The following NTM variants were observed in gnomAD, a reference collection of about 807,000 sequenced individuals.
The protein encoded by NTM is neurotrimin, also known as IgLON family member 2.
Under a neutral mutation model 42.1 loss-of-function variants are expected in NTM, and 13 were observed. The observed-to-expected ratio is 0.31, with a 90% confidence interval of 0.20 to 0.49. NTM has a LOEUF of 0.49. NTM is among the 20% of genes least tolerant of loss of function. NTM has a pLI of 0.99. For missense variants in NTM, 373 were observed against 452.8 expected (o/e 0.82, Z 1.60); for synonymous variants, 187 against 179.2 (o/e 1.04, Z -0.35).
At chr11:132,299,246 G>A (rs2094744424) in intron 4 of NTM, among the ~76,000 whole-genome samples, 1 of 152,212 alleles carries the variant, frequency 6.6e-6, no homozygotes, top group African/African-American at 2.4e-5. Flanking sequence ...AGTGAGCTGA[G>A]ATTGCGCCAC....
At chr11:132,127,006 T>C (rs2137017275) in intron 2 of NTM, among the ~76,000 whole-genome samples, 1 of 152,306 alleles carries the variant, frequency 6.6e-6, no homozygotes, top group East Asian at 1.9e-4. Context: ...TCTTGAGAGT[T>C]CCAGAAACTA....
intron 4 of NTM, among the ~76,000 whole-genome samples, chr11:132,276,718 G>A (rs1488649569): frequency 6.6e-6 from 1 of 152,182 alleles, no homozygotes. Flanking sequence ...TTGTTGTGGG[G>A]GAAGAGTGTG....
intron 5 of NTM, 21 bp downstream of exon 5, chr11:132,307,844 G>A (rs368042844): frequency 2.7e-5 from 43 of 1,612,148 alleles, no homozygotes; most frequent in Non-Finnish European, 3.2e-5. Context: ...TCACCACCAC[G>A]CGCCCTGCAC....
chr11:131,578,961 G>T (rs965013372), intron 1 of NTM, among the ~76,000 whole-genome samples: 2 of 152,172 alleles, frequency 1.3e-5, no homozygotes, highest in Non-Finnish European at 2.9e-5. Flanking sequence ...AGAAAGCCAG[G>T]AATCAGAACT....
At chr11:131,997,843 A>G (rs1042659578) in intron 2 of NTM, among the ~76,000 whole-genome samples, 13 of 152,062 alleles carry the variant, frequency 8.5e-5, no homozygotes, top group African/African-American at 3.1e-4. Context: ...TTCAACTACC[A>G]TTGTGTGTGG....
At chr11:132,174,775 C>T (rs535793355) in intron 3 of NTM, among the ~76,000 whole-genome samples, 13 of 152,148 alleles carry the variant, frequency 8.5e-5, no homozygotes, top group African/African-American at 2.9e-4. Context: ...TGCATTTAAA[C>T]CACGATCGCC....
At position 131,703,477 on chromosome 11, in the gene NTM, T is replaced by G. The variant is rs533505559; in HGVS notation, c.83-208087T>G. Among the ~76,000 whole-genome samples, 3 of 152,362 alleles carry G rather than the reference T, an allele frequency of 2.0e-5. No homozygotes were observed. The South Asian group carries it at 6.2e-4, about 32-fold the overall frequency. On this transcript the variant is annotated intron_variant, in intron 1 of 8. Transcript: ENST00000683400. ...ACATAAATAATGGATGAAAGACTGA[T>G]GAATTTGGCTGCATTAAGATCAAAT...
At chr11:131,809,779 G>A (rs569776372) in intron 1 of NTM, among the ~76,000 whole-genome samples, 9 of 152,270 alleles carry the variant, frequency 5.9e-5, no homozygotes, top group Admixed American at 2.6e-4. Context: ...TGTCAAAGAC[G>A]TGGGCCAGGG....
intron 4 of NTM, among the ~76,000 whole-genome samples, chr11:132,286,374 A>C (rs73597270): frequency 0.013 from 1,935 of 152,228 alleles, 44 homozygotes; most frequent in African/African-American, 0.044. Flanking sequence ...TTCAAATGGG[A>C]TTGTGTTTCT....
intron 1 of NTM, among the ~76,000 whole-genome samples, chr11:131,731,871 T>A (rs1506670): frequency 0.16 from 24,705 of 152,130 alleles, 2,111 homozygotes; most frequent in Middle Eastern, 0.22. Flanking sequence ...ATTGTTGGCA[T>A]CTGTTCCATG....
intron 1 of NTM, among the ~76,000 whole-genome samples, chr11:131,816,247 C>T (rs888739306): frequency 6.6e-6 from 1 of 152,178 alleles, no homozygotes; most frequent in African/African-American, 2.4e-5. Flanking sequence ...GAAAGCATCT[C>T]AGATGCAACA....
At chr11:131,440,629 G>A (rs189677365) in intron 1 of NTM, among the ~76,000 whole-genome samples, 73 of 151,898 alleles carry the variant, frequency 4.8e-4, no homozygotes, top group Admixed American at 4.5e-3. Context: ...CCTGGGTGAT[G>A]ATGATTCTGT....
chr11:131,559,152 G>A (rs1298549700), intron 1 of NTM, among the ~76,000 whole-genome samples: 1 of 152,152 alleles, frequency 6.6e-6, no homozygotes, highest in Non-Finnish European at 1.5e-5. Context: ...TACTTCCCAC[G>A]GCCAGCGTGT....
intron 3 of NTM, among the ~76,000 whole-genome samples, chr11:132,208,378 C>G (rs1298919450): frequency 6.6e-6 from 1 of 152,184 alleles, no homozygotes; most frequent in African/African-American, 2.4e-5. Context: ...CATCTCTATG[C>G]CATGAATGAT....
At chr11:131,462,769 G>C (rs1011453455) in intron 1 of NTM, among the ~76,000 whole-genome samples, 2 of 152,094 alleles carry the variant, frequency 1.3e-5, no homozygotes, top group Admixed American at 1.3e-4. Flanking sequence ...CTTCTCCCTA[G>C]AGCGGGCCCA....
At chr11:131,917,322 C>T (rs1459668938) in intron 2 of NTM, among the ~76,000 whole-genome samples, 3 of 152,192 alleles carry the variant, frequency 2.0e-5, no homozygotes, top group Non-Finnish European at 4.4e-5. Flanking sequence ...CATGTTACTT[C>T]CTCAGTGTCA....
intron 1 of NTM, among the ~76,000 whole-genome samples, chr11:131,417,533 G>A (rs1401857908): frequency 6.6e-6 from 1 of 152,126 alleles, no homozygotes; most frequent in African/African-American, 2.4e-5. Flanking sequence ...CCTGGAGTTT[G>A]GGTTATTCTG....
chr11:132,316,670 G>A (rs1332236220), intron 7 of NTM, among the ~76,000 whole-genome samples: 2 of 152,174 alleles, frequency 1.3e-5, no homozygotes. Context: ...AGCTTCAGTT[G>A]AGAGATCATT....
intron 1 of NTM, among the ~76,000 whole-genome samples, chr11:131,723,489 A>G (rs1389509220): frequency 6.6e-6 from 1 of 152,230 alleles, no homozygotes; most frequent in Non-Finnish European, 1.5e-5. Flanking sequence ...TAAAGATGGT[A>G]AAAGGTCACT....
Sources: allele counts gnomAD v4.1 joint callset (sites outside exome capture counted in the v4.1 genomes callset), GRCh38; gene constraint gnomAD v4.1.1; transcripts MANE v1.5; gene names NCBI Gene and HGNC (gene_info 2026-07-23, HGNC 2026-07-21).